CALN1: variants seen among roughly 807,000 people sequenced by gnomAD.
CALN1 encodes the protein calneuron 1.
Under a neutral mutation model 30.6 loss-of-function variants are expected in CALN1, and 17 were observed. The ratio of observed to expected loss-of-function variants is 0.56; its 90% confidence interval spans 0.38 to 0.83. CALN1 has a LOEUF of 0.83. Among genes scored for constraint, CALN1 ranks in the 40% least tolerant of loss-of-function variants. The probability of loss-of-function intolerance (pLI) is 0.00; values close to 1 mark genes in which losing one functional copy is unlikely to be tolerated. For missense variants in CALN1, 291 were observed against 354.9 expected (o/e 0.82, Z 1.45); for synonymous variants, 156 against 131.4 (o/e 1.19, Z -1.28).
chr7:72,420,455 T>A (rs1807568145), intron 1 of CALN1, among the ~76,000 whole-genome samples: 1 of 151,328 alleles, frequency 6.6e-6, no homozygotes, highest in Non-Finnish European at 1.5e-5. Flanking sequence ...AGGGCTCCCC[T>A]TAAGGAGGGA....
At chr7:72,247,463 G>T (rs1795269197) in intron 3 of CALN1, among the ~76,000 whole-genome samples, 1 of 150,750 alleles carries the variant, frequency 6.6e-6, no homozygotes, top group Non-Finnish European at 1.5e-5. Flanking sequence ...AGCCAGGATG[G>T]TCTCAATCTC....
At chr7:72,346,806 C>A (rs1366656531) in intron 2 of CALN1, among the ~76,000 whole-genome samples, 1 of 152,096 alleles carries the variant, frequency 6.6e-6, no homozygotes, top group Non-Finnish European at 1.5e-5. Flanking sequence ...TGAGCTGCAG[C>A]GCCCGGCCAA....
chr7:71,938,143 G>A lies in CALN1; in HGVS notation c.501+85514C>T, dbSNP rs147083626. ...TAATCAGGAAATATCATACAGATGG[G>A]GGCTGCATTCTTCCCTGGGGTGGAA... On this transcript the variant is annotated intron_variant, in intron 5 of 6. Coordinates refer to ENST00000395275, the MANE Select transcript of CALN1 (RefSeq NM_031468.4). Among the ~76,000 whole-genome samples, 7 of 152,252 alleles carry A rather than the reference G, an allele frequency of 4.6e-5. No individual in the cohort carries two copies. The East Asian group carries it at 1.4e-3, about 29-fold the overall frequency.
intron 4 of CALN1, among the ~76,000 whole-genome samples, chr7:72,054,426 T>TACATATATACATATATAC: frequency 1.1e-5 from 1 of 87,206 alleles, no homozygotes; most frequent in Non-Finnish European, 2.0e-5. Context: ...TACGTGTATA[T>TACATATATACATATATAC]ATACACGTAT....
chr7:72,299,510 C>A (rs1799103700), intron 2 of CALN1, among the ~76,000 whole-genome samples: 1 of 151,894 alleles, frequency 6.6e-6, no homozygotes, highest in Admixed American at 6.6e-5. Context: ...TATAAAAATA[C>A]AAACTTCTAA....
intron 4 of CALN1, among the ~76,000 whole-genome samples, chr7:72,083,644 G>C (rs750439112): frequency 6.6e-6 from 1 of 152,108 alleles, no homozygotes; most frequent in Non-Finnish European, 1.5e-5. Context: ...ATATAGGCCA[G>C]GCACAGTGGC....
intron 5 of CALN1, among the ~76,000 whole-genome samples, chr7:71,921,770 T>C (rs193165769): frequency 1.3e-5 from 2 of 152,140 alleles, no homozygotes; most frequent in Non-Finnish European, 2.9e-5. Context: ...CTGGGACACA[T>C]AATCTGTCCT....
intron 4 of CALN1, among the ~76,000 whole-genome samples, chr7:72,079,695 C>T (rs1360391567): frequency 6.7e-6 from 1 of 149,962 alleles, no homozygotes; most frequent in Non-Finnish European, 1.5e-5. Context: ...CTGACCAGTT[C>T]AGACTCACTG....
chr7:72,322,625 T>G (rs114967720), intron 2 of CALN1, among the ~76,000 whole-genome samples: 1 of 151,616 alleles, frequency 6.6e-6, no homozygotes, highest in South Asian at 2.1e-4. Flanking sequence ...ATTGAACTCA[T>G]AGAGATAGAG....
chr7:72,060,613 T>G (rs1584858109), intron 4 of CALN1, among the ~76,000 whole-genome samples: 1 of 152,270 alleles, frequency 6.6e-6, no homozygotes, highest in African/African-American at 2.4e-5. Context: ...AAATCTCATG[T>G]TGGAATGTGA....
Position 72,389,935 on chromosome 7 carries a change from A to G in CALN1, c.119+13316T>C, listed in dbSNP as rs1285147473. Among the ~76,000 whole-genome samples, 5 of 151,438 alleles carry G rather than the reference A, an allele frequency of 3.3e-5. No individual in the cohort carries two copies. In the East Asian group the frequency reaches 9.7e-4, roughly 29 times the overall value. On this transcript the variant is annotated intron_variant, in intron 2 of 6. Transcript: ENST00000395275. ...AAGAGCAAAACCCCATCTAAAAAAA[A>G]AAAAGAAGAAAGAAAAGAAAAAAAA...
Position 72,048,907 on chromosome 7 carries a change from C to T in CALN1, c.389-25138G>A, listed in dbSNP as rs556977439. ...TCTGCAGCCACCTCAACATTTTCGG[C>T]CCAAGCAATCCTCCCACTTCAGCCT... On this transcript the variant is annotated intron_variant, in intron 4 of 6. Transcript: ENST00000395275. Among the ~76,000 whole-genome samples, 40 of 152,092 alleles carry T rather than the reference C, an allele frequency of 2.6e-4. 1 individual carries two copies. The highest frequency in any genetic ancestry group is 2.2e-4 in the Non-Finnish European group (15 of 68,000).
chr7:72,193,840 T>C (rs1382311521), intron 3 of CALN1, among the ~76,000 whole-genome samples: 1 of 152,220 alleles, frequency 6.6e-6, no homozygotes, highest in Non-Finnish European at 1.5e-5. Flanking sequence ...ACCATTATTC[T>C]AAGTGAAGCG....
At chr7:71,854,206 A>C (rs750725755) in intron 5 of CALN1, among the ~76,000 whole-genome samples, 1 of 152,076 alleles carries the variant, frequency 6.6e-6, no homozygotes. Flanking sequence ...CTGAAAATGA[A>C]TGGAGAGAAA....
chr7:72,485,727 C>T, the CALN1 span, among the ~76,000 whole-genome samples: 1 of 152,026 alleles, frequency 6.6e-6, no homozygotes, highest in African/African-American at 2.4e-5. Flanking sequence ...AAAAATTAGC[C>T]GGGTGTGGTG....
chr7:72,477,799 A>T, the CALN1 span, among the ~76,000 whole-genome samples: 3 of 152,012 alleles, frequency 2.0e-5, no homozygotes, highest in Non-Finnish European at 4.4e-5. Context: ...GCCTCAAGGG[A>T]TCCTCCTGCC....
chr7:72,150,005 C>A (rs1384485172), intron 3 of CALN1, among the ~76,000 whole-genome samples: 4 of 151,844 alleles, frequency 2.6e-5, no homozygotes, highest in Non-Finnish European at 5.9e-5. Flanking sequence ...TGCCTATAAT[C>A]CAAGCTACTC....
At chr7:72,055,168 T>C (rs1222069551) in intron 4 of CALN1, among the ~76,000 whole-genome samples, 3 of 152,154 alleles carry the variant, frequency 2.0e-5, no homozygotes, top group Non-Finnish European at 2.9e-5. Context: ...TACTATTTCA[T>C]GTCCTAAATC....
At chr7:71,817,776 A>C (rs919499799) in intron 5 of CALN1, among the ~76,000 whole-genome samples, 1 of 152,136 alleles carries the variant, frequency 6.6e-6, no homozygotes, top group Non-Finnish European at 1.5e-5. Flanking sequence ...GGCCTCCCAA[A>C]GAGCTGGGAT....
Sources: allele counts gnomAD v4.1 joint callset (sites outside exome capture counted in the v4.1 genomes callset), GRCh38; gene constraint gnomAD v4.1.1; transcripts MANE v1.5; gene names NCBI Gene and HGNC (gene_info 2026-07-23, HGNC 2026-07-21).